HIVEP2: variants seen among roughly 807,000 people sequenced by gnomAD.
The protein encoded by HIVEP2 is transcription factor HIVEP2.
Under a neutral mutation model 180.7 loss-of-function variants are expected in HIVEP2, and 14 were observed. That is an observed-to-expected ratio of 0.08 (90% CI 0.05 to 0.12). The LOEUF is 0.12. Ranked by LOEUF, HIVEP2 falls within the 10% of genes least tolerant of loss-of-function variation. The pLI is 1.00. For synonymous variants in HIVEP2, 1,184 were observed against 1,136.4 expected, an observed-to-expected ratio of 1.04 and a Z score of -0.84; for missense variants, 2,579 against 3,008.5, an observed-to-expected ratio of 0.86 and a Z score of 3.34.
rs761587389 is a variant in HIVEP2, at chr6:142,753,320, C to G, written c.7128G>C (p.Glu2376Asp). ...HVSIRHFSRP[E>D]PGQPCTSATH... Reference sequence around the variant, plus strand: ...TGGCTGAGGTACAGGGCTGACCTGGCTCAGGTCTACTAAAGTGTCTAATGC... The same window carrying G: ...TGGCTGAGGTACAGGGCTGACCTGGGTCAGGTCTACTAAAGTGTCTAATGC... The change falls in exon 10 of 10, where the codon GAG (glutamate) becomes GAC (aspartate). Residue 2376 changes from glutamate to aspartate, a missense_variant. By Grantham distance (45) the Glu-to-Asp change is conservative. Coordinates refer to ENST00000367603, the MANE Select transcript of HIVEP2 (RefSeq NM_006734.4). 1.9e-6 allele frequency: 3 copies of G among 1,614,040 alleles called. No individual in the cohort carries two copies. Among genetic ancestry groups the G allele is most frequent in the East Asian group, 4.5e-5 (2 of 44,890 alleles).
intron 2 of HIVEP2, among the ~76,000 whole-genome samples, chr6:142,795,152 C>T (rs1032650292): frequency 3.9e-5 from 6 of 152,204 alleles, no homozygotes; most frequent in Admixed American, 2.0e-4. Flanking sequence ...GCAATTTAAA[C>T]AAGGCAACCA....
Position 142,774,610 on chromosome 6 carries a change from T to C in HIVEP2, c.129A>G (p.Glu43=). 6.2e-7 allele frequency: 1 copy of C among 1,614,232 alleles called. No homozygotes were observed. Residue 43 remains glutamate, a synonymous_variant, in exon 5 of 10, where the codon GAA becomes GAG. Transcript: ENST00000367603. This position sits in a 1 kb window ranked among gnomAD's most constrained non-coding sequence, Gnocchi z 5.1. ...GCTCTATTTGTGGTTGCCGCTGTCC[T>C]TCATGACTGCCAAAAGTGCTCATCT... ...VIKMSTFGSH[E]GQRQPQIEPE...
At chr6:142,787,256 AAAT>A (rs1239217206) in intron 2 of HIVEP2, among the ~76,000 whole-genome samples, 1 of 152,092 alleles carries the variant, frequency 6.6e-6, no homozygotes, top group African/African-American at 2.4e-5. Context: ...AAAAATAAAT[AAAT>A]AAATAAATAA....
At chr6:142,784,230 CAG>C (rs889506859) in intron 2 of HIVEP2, among the ~76,000 whole-genome samples, 4 of 152,122 alleles carry the variant, frequency 2.6e-5, no homozygotes, top group Non-Finnish European at 4.4e-5. Flanking sequence ...ACAATCTTAA[CAG>C]AGTTTATCTC....
At chr6:142,907,145 A>G (rs920977769) in intron 1 of HIVEP2, among the ~76,000 whole-genome samples, 2 of 152,238 alleles carry the variant, frequency 1.3e-5, no homozygotes, top group African/African-American at 4.8e-5. Context: ...CTATTAATCC[A>G]TGCCCAAGTG....
intron 1 of HIVEP2, among the ~76,000 whole-genome samples, chr6:142,940,445 TCCTACCC>T (rs1434208441): frequency 3.9e-5 from 6 of 152,216 alleles, no homozygotes; most frequent in African/African-American, 1.4e-4. Flanking sequence ...AATTTCAAGG[TCCTACCC>T]CTCAAAATTG....
At chr6:142,807,782 AG>A (rs1776589306) in intron 2 of HIVEP2, among the ~76,000 whole-genome samples, 2 of 152,222 alleles carry the variant, frequency 1.3e-5, no homozygotes, top group Admixed American at 1.3e-4. Context: ...GCACAAGGCC[AG>A]GAGGCCACCA....
At chr6:142,888,068 T>A (rs946230963) in intron 1 of HIVEP2, among the ~76,000 whole-genome samples, 2 of 152,134 alleles carry the variant, frequency 1.3e-5, no homozygotes, top group Non-Finnish European at 2.9e-5. Flanking sequence ...ATTTTACATG[T>A]TTTAACTATA....
intron 1 of HIVEP2, among the ~76,000 whole-genome samples, chr6:142,859,805 G>A (rs1335126228): frequency 8.7e-6 from 1 of 115,296 alleles, no homozygotes; most frequent in Non-Finnish European, 1.6e-5. Flanking sequence ...TTGCACTCCA[G>A]TCTGGGCAAT....
At chr6:142,931,727 T>C (rs1777946857) in intron 1 of HIVEP2, among the ~76,000 whole-genome samples, 1 of 152,208 alleles carries the variant, frequency 6.6e-6, no homozygotes, top group African/African-American at 2.4e-5. Flanking sequence ...TTCACATACT[T>C]ATCTTTTATC....
At chr6:142,940,617 C>G (rs1489114458) in intron 1 of HIVEP2, among the ~76,000 whole-genome samples, 6 of 152,240 alleles carry the variant, frequency 3.9e-5, no homozygotes, top group African/African-American at 1.4e-4. Flanking sequence ...ATCAGCCCCA[C>G]TGGCTTGTTT....
At chr6:142,764,601 A>G (rs1011413489) in intron 7 of HIVEP2, among the ~76,000 whole-genome samples, 198 bp downstream of exon 7, 1 of 152,200 alleles carries the variant, frequency 6.6e-6, no homozygotes, top group Non-Finnish European at 1.5e-5. Flanking sequence ...ACTGCTCTTA[A>G]TTAAGTCATA....
intron 1 of HIVEP2, among the ~76,000 whole-genome samples, chr6:142,927,057 C>G (rs1276431819): frequency 6.6e-6 from 1 of 151,514 alleles, no homozygotes; most frequent in African/African-American, 2.4e-5. Context: ...CCCGCTGGCG[C>G]TCCCGGCGCC....
chr6:142,877,754 CT>C (rs1378806067), intron 1 of HIVEP2, among the ~76,000 whole-genome samples: 1 of 152,186 alleles, frequency 6.6e-6, no homozygotes, highest in Admixed American at 6.5e-5. Context: ...TCACAGCCTC[CT>C]GAGAAACTAT....
chr6:142,901,200 T>C (rs1424184887), intron 1 of HIVEP2, among the ~76,000 whole-genome samples: 1 of 152,194 alleles, frequency 6.6e-6, no homozygotes, highest in African/African-American at 2.4e-5. Context: ...ACTCCTGCCC[T>C]TTTTAACAGA....
Position 142,760,049 on chromosome 6 carries a change from C to T in HIVEP2, c.6239G>A (p.Arg2080Lys). ...AAGATGTCTCATGGGTGACAGATCTCTCCTAGGTGATAAATGTCTCCTGGG... is the reference window on the plus strand; with the variant it reads ...AAGATGTCTCATGGGTGACAGATCTTTCCTAGGTGATAAATGTCTCCTGGG... ...LSPRRHLSPRRDLSPMRHLSP... is the reference protein window; with the variant it reads ...LSPRRHLSPRKDLSPMRHLSP... Residue 2080 changes from arginine (R) to lysine (K), a missense_variant, in exon 9 of 10, where the codon AGA (arginine) becomes AAA (lysine). By Grantham distance (26) the Arg-to-Lys change is conservative. Around this residue, in one of 11 missense-constraint regions of HIVEP2, gnomAD observed 660 missense variants for 731.7 expected, o/e 0.90. Coordinates refer to ENST00000367603, the MANE Select transcript of HIVEP2 (RefSeq NM_006734.4). 1 of 1,614,140 alleles carries T rather than the reference C, an allele frequency of 6.2e-7. No individual in the cohort carries two copies. The highest frequency in any genetic ancestry group is 2.2e-5 in the East Asian group (1 of 44,880).
rs1216445635 is a variant in HIVEP2, at chr6:142,771,936, A to G, written c.2803T>C (p.Leu935=). ...CGCAGACGCTTCTTTTTGGGTGGCA[A>G]CTTCTCCGCGGGGAGCTGGGAAAGG... The part of the protein sequence containing the change: ...ETLSQLPAEK[L]PPKKKRLRLA... The change falls in exon 5 of 10, where the codon TTG becomes CTG. Residue 935 remains leucine (L), a synonymous_variant. Transcript: ENST00000367603. The surrounding 1 kb of genome is among the most constrained non-coding windows in gnomAD (Gnocchi z 5.4). 11 of 1,614,038 alleles carry G rather than the reference A, an allele frequency of 6.8e-6. No homozygotes were observed. The highest frequency in any genetic ancestry group is 4.0e-5 in the African/African-American group (3 of 74,918).
rs576579735 is a variant in HIVEP2, at chr6:142,882,558, G to A, written c.-640-45511C>T. Among the ~76,000 whole-genome samples, 3 of 148,790 alleles carry A rather than the reference G, an allele frequency of 2.0e-5. No homozygotes were observed. The South Asian group carries it at 6.8e-4, about 34-fold the overall frequency. On this transcript the variant is annotated intron_variant, in intron 1 of 9. Transcript: ENST00000367603. ...GAGCTCAGGAAGTCAAGGCTACAAT[G>A]AGTTATGATCATGCCACTGCACTCC...
In HIVEP2 at chr6:142,758,628, T is replaced by C. The variant is rs78789658; in HGVS notation, c.6516+1144A>G. Among the ~76,000 whole-genome samples, 1,118 of 152,274 alleles carry C rather than the reference T, an allele frequency of 7.3e-3. 15 individuals carry two copies. The highest frequency in any genetic ancestry group is 0.025 in the African/African-American group (1,048 of 41,560). The stretch of plus-strand genomic sequence containing the variant: ...TATGCTAAGTGCATGCTTTATTCAT[T>C]TTTTAAAATCCTACACAAACTGAAA... On this transcript the variant is annotated intron_variant, in intron 9 of 9. Transcript: ENST00000367603.
Sources: gnomAD v4.1 joint callset for allele counts (sites outside exome capture counted in the v4.1 genomes callset) on GRCh38, gnomAD v4.1.1 for gene constraint, gnomAD v4.1.1 regional missense constraint, Gnocchi (gnomAD v3.1) non-coding constraint, MANE v1.5 for transcripts, NCBI Gene and HGNC (gene_info 2026-07-23, HGNC 2026-07-21) for gene names.